Variants in TMEM117 observed in about 807,000 individuals in gnomAD.
The protein encoded by TMEM117 is transmembrane protein 117.
In TMEM117, 27 loss-of-function variants were observed where a neutral mutation model predicts 52.4. That is an observed-to-expected ratio of 0.51 (90% CI 0.38 to 0.71). The LOEUF is 0.71. Ranked by LOEUF, TMEM117 falls within the 30% of genes least tolerant of loss-of-function variation. The pLI is 0.00. For missense variants in TMEM117, 556 were observed against 630.5 expected (o/e 0.88, Z 1.26); for synonymous variants, 215 against 206.3 (o/e 1.04, Z -0.36).
rs150984405 is a variant in TMEM117, at chr12:44,388,644, C to A, written c.1517C>A (p.Thr506Lys). 16 of 1,613,214 alleles carry A rather than the reference C, an allele frequency of 9.9e-6. No homozygotes were observed. Among genetic ancestry groups the A allele is most frequent in the Non-Finnish European group, 1.3e-5 (15 of 1,179,428 alleles). Residue 506 changes from threonine to lysine, a missense_variant, in exon 8 of 8, where the codon ACG (threonine) becomes AAG (lysine). By Grantham distance (78) the Thr-to-Lys change is moderately conservative. Coordinates refer to ENST00000266534, the MANE Select transcript of TMEM117 (RefSeq NM_032256.3). ...GCAACAGAAGCTGATCAAGACCCAA[C>A]GACTTCTAAAAGTACACCTACGAAC... The part of the protein sequence containing the change: ...TSATEADQDP[T>K]TSKSTPTN
intron 4 of TMEM117, among the ~76,000 whole-genome samples, chr12:44,151,835 A>G (rs935265762): frequency 2.2e-5 from 3 of 139,058 alleles, no homozygotes; most frequent in African/African-American, 8.0e-5. Flanking sequence ...ATTTAGAATA[A>G]TGTTTATATA....
intron 1 of TMEM117, among the ~76,000 whole-genome samples, chr12:43,837,347 T>TA (rs1943048729): frequency 6.6e-6 from 1 of 152,260 alleles, no homozygotes; most frequent in East Asian, 1.9e-4. Context: ...TTTTCTTTAA[T>TA]TTCTGTCTTT....
intron 5 of TMEM117, among the ~76,000 whole-genome samples, chr12:44,294,369 T>G (rs1448649714): frequency 6.6e-6 from 1 of 152,214 alleles, no homozygotes; most frequent in East Asian, 1.9e-4. Flanking sequence ...TGGAACCTGT[T>G]TCTGTTCATG....
At chr12:43,971,615 T>G (rs1401784642) in intron 3 of TMEM117, among the ~76,000 whole-genome samples, 1 of 152,188 alleles carries the variant, frequency 6.6e-6, no homozygotes, top group African/African-American at 2.4e-5. Flanking sequence ...TGGGAAAACT[T>G]TCCTAACGCC....
At chr12:44,234,142 T>C (rs1199950569) in intron 5 of TMEM117, among the ~76,000 whole-genome samples, 2 of 151,478 alleles carry the variant, frequency 1.3e-5, no homozygotes, top group Non-Finnish European at 3.0e-5. Flanking sequence ...TGTATACTCT[T>C]TTCCTTCTCA....
intron 6 of TMEM117, among the ~76,000 whole-genome samples, chr12:44,333,196 G>C (rs1592699840): frequency 6.6e-6 from 1 of 151,924 alleles, no homozygotes; most frequent in East Asian, 1.9e-4. Context: ...CAGGTTTCTT[G>C]CTTCAGAATG....
intron 6 of TMEM117, among the ~76,000 whole-genome samples, chr12:44,363,082 G>C (rs1951743931): frequency 6.6e-6 from 1 of 152,104 alleles, no homozygotes; most frequent in African/African-American, 2.4e-5. Flanking sequence ...AGGTCATTTA[G>C]AGCCAGGACA....
At chr12:44,055,986 G>T (rs1010423785) in intron 3 of TMEM117, among the ~76,000 whole-genome samples, 1 of 152,062 alleles carries the variant, frequency 6.6e-6, no homozygotes, top group African/African-American at 2.4e-5. Context: ...TAAGTTTGTA[G>T]CAGTTATAAT....
intron 3 of TMEM117, among the ~76,000 whole-genome samples, chr12:43,962,930 C>T (rs1165884227): frequency 2.0e-5 from 3 of 148,010 alleles, no homozygotes; most frequent in African/African-American, 5.0e-5. Flanking sequence ...TCTGAGACTC[C>T]GTTTAAAAAA....
intron 2 of TMEM117, among the ~76,000 whole-genome samples, chr12:43,857,514 A>G (rs1943421806): frequency 6.6e-6 from 1 of 152,140 alleles, no homozygotes; most frequent in South Asian, 2.1e-4. Context: ...GAGGGAAACC[A>G]CTTCACTATT....
intron 2 of TMEM117, among the ~76,000 whole-genome samples, chr12:43,927,276 A>G (rs541686077): frequency 6.6e-6 from 1 of 152,124 alleles, no homozygotes; most frequent in East Asian, 1.9e-4. Context: ...GTGATATCTA[A>G]TCTTTGAGCT....
At chr12:43,995,987 T>C (rs1946023728) in intron 3 of TMEM117, among the ~76,000 whole-genome samples, 1 of 152,244 alleles carries the variant, frequency 6.6e-6, no homozygotes, top group South Asian at 2.1e-4. Flanking sequence ...CCCCTGGATT[T>C]TAACTAGGGT....
intron 5 of TMEM117, among the ~76,000 whole-genome samples, chr12:44,238,616 G>A (rs114340877): frequency 0.011 from 1,745 of 152,070 alleles, 21 homozygotes; most frequent in South Asian, 0.052. Flanking sequence ...CTACACTCCA[G>A]CCTAGGGAAC....
At chr12:43,945,109 CTAAATAAA>C (rs71091187) in intron 3 of TMEM117, among the ~76,000 whole-genome samples, 2 of 141,648 alleles carry the variant, frequency 1.4e-5, no homozygotes, top group African/African-American at 5.2e-5. Flanking sequence ...GACTCCGTCT[CTAAATAAA>C]TAAATAAATA....
At chr12:43,808,516 G>T in the TMEM117 span, among the ~76,000 whole-genome samples, 1 of 152,102 alleles carries the variant, frequency 6.6e-6, no homozygotes, top group Admixed American at 6.5e-5. Flanking sequence ...TTACAGTTTG[G>T]TAGAGGTAAT....
At chr12:44,023,556 C>T (rs540063036) in intron 3 of TMEM117, among the ~76,000 whole-genome samples, 200 of 151,970 alleles carry the variant, frequency 1.3e-3, no homozygotes, top group South Asian at 3.7e-3. Flanking sequence ...GGTTTTGATT[C>T]GCATTTCTCT....
chr12:44,226,499 A>ATGTGTGTGTGTGTGTGTGTG lies in TMEM117; in HGVS notation c.608+15113_608+15114insGTGTGTGTGTGTGTGTGTGT, dbSNP rs1161429257. Among the ~76,000 whole-genome samples, 9 of 132,948 alleles carry ATGTGTGTGTGTGTGTGTGTG rather than the reference A, an allele frequency of 6.8e-5. No homozygotes were observed. In the East Asian group the frequency reaches 9.8e-4, roughly 15 times the overall value. The allele number at this position is 132,948 out of a possible 152,430, so 87.2% of individuals were successfully genotyped here. ...CAATAAACTATAAATATAAATATATATATGTGTGTGTGTGTGTGTGTGTGT... is the reference window on the plus strand; with the variant it reads ...CAATAAACTATAAATATAAATATATATGTGTGTGTGTGTGTGTGTGTATGTGTGTGTGTGTGTGTGTGTGT... On this transcript the variant is annotated intron_variant, in intron 5 of 7. Coordinates refer to ENST00000266534, the MANE Select transcript of TMEM117 (RefSeq NM_032256.3).
chr12:43,842,636 G>A (rs769640849), intron 1 of TMEM117, among the ~76,000 whole-genome samples: 1 of 151,976 alleles, frequency 6.6e-6, no homozygotes, highest in Non-Finnish European at 1.5e-5. Flanking sequence ...TGGTCTTTGT[G>A]ATTTCAGTCA....
intron 5 of TMEM117, among the ~76,000 whole-genome samples, chr12:44,299,128 ATTT>A (rs375671360): frequency 3.2e-5 from 4 of 125,396 alleles, no homozygotes; most frequent in Non-Finnish European, 4.8e-5. Context: ...AAGGCATTTA[ATTT>A]TTTTTTTTTT....
Sources: allele counts gnomAD v4.1 joint callset (sites outside exome capture counted in the v4.1 genomes callset), GRCh38; gene constraint gnomAD v4.1.1; transcripts MANE v1.5; gene names NCBI Gene and HGNC (gene_info 2026-07-23, HGNC 2026-07-21).